Variants in SLC24A2 observed in about 807,000 individuals in gnomAD.
SLC24A2 encodes solute carrier family 24 member 2, also known as sodium/potassium/calcium exchanger 2.
Under a neutral mutation model 62.0 loss-of-function variants are expected in SLC24A2, and 36 were observed. The ratio of observed to expected loss-of-function variants is 0.58; its 90% CI spans 0.44 to 0.77. SLC24A2 has a LOEUF of 0.77. Among genes scored for constraint, SLC24A2 ranks in the 30% least tolerant of loss-of-function variants. The pLI, the probability that SLC24A2 is intolerant of heterozygous loss-of-function variation, is 0.00. For synonymous variants in SLC24A2, 358 were observed against 294.0 expected, an observed-to-expected ratio of 1.22 and a Z score of -2.23; for missense variants, 846 against 817.9, an observed-to-expected ratio of 1.03 and a Z score of -0.42.
At chr9:20,007,815 T>C in the SLC24A2 span, among the ~76,000 whole-genome samples, 2 of 151,674 alleles carry the variant, frequency 1.3e-5, no homozygotes, top group African/African-American at 4.8e-5. Flanking sequence ...GCTTGATGTG[T>C]ATTTTAAGAG....
At chr9:20,008,254 T>C in the SLC24A2 span, among the ~76,000 whole-genome samples, 1 of 151,994 alleles carries the variant, frequency 6.6e-6, no homozygotes, top group South Asian at 2.1e-4. Context: ...CCTATCCACT[T>C]GTGGGTCTCT....
the SLC24A2 span, among the ~76,000 whole-genome samples, chr9:19,869,362 C>T: frequency 6.6e-6 from 1 of 152,104 alleles, no homozygotes; most frequent in African/African-American, 2.4e-5. Flanking sequence ...AATAATTCAC[C>T]TCTTACTCAT....
chr9:19,996,801 C>G, the SLC24A2 span, among the ~76,000 whole-genome samples: 1 of 151,292 alleles, frequency 6.6e-6, no homozygotes, highest in African/African-American at 2.4e-5. Flanking sequence ...TGCCTTCACA[C>G]CCTCCATAAC....
chr9:20,194,262 A>G, the SLC24A2 span, among the ~76,000 whole-genome samples: 1 of 152,146 alleles, frequency 6.6e-6, no homozygotes, highest in Non-Finnish European at 1.5e-5. Context: ...AGACTTCTGT[A>G]TGGAAGAAAG....
the SLC24A2 span, among the ~76,000 whole-genome samples, chr9:19,898,930 A>C: frequency 1.3e-5 from 2 of 152,130 alleles, no homozygotes; most frequent in Non-Finnish European, 2.9e-5. Context: ...CCTGGTGAGC[A>C]TATGAACAGA....
chr9:19,559,668 C>T (rs1373702753), intron 7 of SLC24A2, among the ~76,000 whole-genome samples: 1 of 152,134 alleles, frequency 6.6e-6, no homozygotes, highest in Non-Finnish European at 1.5e-5. Context: ...AAGGTGCCCC[C>T]CCAGAAACAT....
the SLC24A2 span, among the ~76,000 whole-genome samples, chr9:20,194,977 T>C: frequency 1.3e-5 from 2 of 152,206 alleles, no homozygotes; most frequent in South Asian, 2.1e-4. Flanking sequence ...TTTTATTACC[T>C]AGGTATACAT....
intron 2 of SLC24A2, among the ~76,000 whole-genome samples, chr9:19,707,959 C>G (rs1251597196): frequency 2.6e-5 from 4 of 152,162 alleles, no homozygotes; most frequent in Non-Finnish European, 4.4e-5. Context: ...AAGAGGAAGT[C>G]AAATTGTCCC....
At chr9:19,862,510 A>T in the SLC24A2 span, among the ~76,000 whole-genome samples, 1 of 152,118 alleles carries the variant, frequency 6.6e-6, no homozygotes, top group Non-Finnish European at 1.5e-5. Flanking sequence ...TACAAATCTC[A>T]CTGGTAATCG....
At chr9:19,524,725 T>C (rs757466524) in intron 9 of SLC24A2, among the ~76,000 whole-genome samples, 1 of 152,230 alleles carries the variant, frequency 6.6e-6, no homozygotes, top group Non-Finnish European at 1.5e-5. Context: ...CTTCCATTTA[T>C]GGCTTTCATT....
intron 2 of SLC24A2, among the ~76,000 whole-genome samples, chr9:19,631,642 G>A (rs1587065691): frequency 6.6e-6 from 1 of 152,054 alleles, no homozygotes; most frequent in African/African-American, 2.4e-5. Context: ...GGCCATAAGC[G>A]GTGAGACTAG....
the SLC24A2 span, among the ~76,000 whole-genome samples, chr9:19,821,553 T>A: frequency 6.6e-6 from 1 of 152,146 alleles, no homozygotes; most frequent in Non-Finnish European, 1.5e-5. Context: ...ACTTCTGAAG[T>A]CTTAATGATC....
chr9:20,149,351 G>A, the SLC24A2 span, among the ~76,000 whole-genome samples: 1 of 151,802 alleles, frequency 6.6e-6, no homozygotes, highest in Non-Finnish European at 1.5e-5. Context: ...TTTTTGTTTT[G>A]AATATATTAA....
chr9:19,681,464 T>C (rs1181359402), intron 2 of SLC24A2, among the ~76,000 whole-genome samples: 1 of 152,078 alleles, frequency 6.6e-6, no homozygotes, highest in Non-Finnish European at 1.5e-5. Context: ...ATACTATGGC[T>C]CCCTCTTCCA....
chr9:20,069,871 C>T, the SLC24A2 span, among the ~76,000 whole-genome samples: 2 of 152,010 alleles, frequency 1.3e-5, no homozygotes, highest in Admixed American at 6.6e-5. Context: ...CATTCATGTC[C>T]CTTCTATTCA....
chr9:19,951,755 A>C, the SLC24A2 span, among the ~76,000 whole-genome samples: 3 of 152,150 alleles, frequency 2.0e-5, no homozygotes, highest in South Asian at 4.1e-4. Context: ...TAAATCAAGA[A>C]ATTAGGTAGT....
At chr9:19,645,947 C>A (rs1269516547) in intron 2 of SLC24A2, among the ~76,000 whole-genome samples, 2 of 152,218 alleles carry the variant, frequency 1.3e-5, no homozygotes, top group African/African-American at 2.4e-5. Flanking sequence ...CTTGTTTCTG[C>A]GTCTTCCTAC....
At chr9:19,586,527 T>C (rs1836375318) in intron 5 of SLC24A2, among the ~76,000 whole-genome samples, 1 of 138,652 alleles carries the variant, frequency 7.2e-6, no homozygotes, top group Admixed American at 7.0e-5. Flanking sequence ...ATTAATGCTG[T>C]GGTTAAGTTA....
At chr9:19,569,702 C>A (rs1454161086) in intron 7 of SLC24A2, among the ~76,000 whole-genome samples, 2 of 152,164 alleles carry the variant, frequency 1.3e-5, no homozygotes, top group Non-Finnish European at 2.9e-5. Flanking sequence ...CTTCCAATGG[C>A]TTCTTGCTGC....
Sources: gnomAD v4.1 joint callset for allele counts (sites outside exome capture counted in the v4.1 genomes callset) on GRCh38, gnomAD v4.1.1 for gene constraint, MANE v1.5 for transcripts, NCBI Gene and HGNC (gene_info 2026-07-23, HGNC 2026-07-21) for gene names.